KCNC1: variants seen among roughly 807,000 people sequenced by gnomAD.
KCNC1 encodes the protein voltage-gated potassium channel KCNC1.
In KCNC1, 8 loss-of-function variants were observed where a neutral mutation model predicts 43.4. The observed-to-expected ratio is 0.18, with a 90% CI of 0.11 to 0.33. The LOEUF (loss-of-function observed/expected upper bound fraction) is 0.33. KCNC1 is among the 10% of genes least tolerant of loss of function. The probability of loss-of-function intolerance (pLI) is 1.00; values close to 1 mark genes in which losing one functional copy is unlikely to be tolerated. For missense variants in KCNC1, 420 were observed against 836.0 expected (o/e 0.50, Z 6.14); for synonymous variants, 361 against 360.5 (o/e 1.00, Z -0.01).
Position 17,773,389 on chromosome 11 carries a change from G to A in KCNC1, c.1504+791G>A, listed in dbSNP as rs886180189. ...CGGTGACCCGATGGAAGCGGCTGCC[G>A]AGCAAAAGACTAGAGGGGGCCACCA... On this transcript the variant is annotated intron_variant, in intron 2 of 3. Transcript: ENST00000265969. The surrounding 1 kb of genome is among the most constrained non-coding windows in gnomAD (Gnocchi z 4.1). 66 of 985,248 alleles carry A rather than the reference G, an allele frequency of 6.7e-5. No homozygotes were observed. Among genetic ancestry groups the A allele is most frequent in the East Asian group, 3.4e-4 (3 of 8,826 alleles). 61.0% of individuals were successfully genotyped at this position (985,248 alleles called of 1,614,324 possible). A position where few individuals can be genotyped will look rare whatever the true frequency, so the allele number is the denominator to read the frequency against.
At chr11:17,775,433 G>T in intron 2 of KCNC1, 1 of 985,576 alleles carries the variant, frequency 1.0e-6, no homozygotes, top group Non-Finnish European at 1.2e-6. Context: ...TGGCCTCAGT[G>T]TCTGAGGGCT....
chr11:17,774,200 G>A (rs931685668), intron 2 of KCNC1: 7 of 985,478 alleles, frequency 7.1e-6, no homozygotes, highest in Middle Eastern at 5.2e-4. Flanking sequence ...AAACAGCTCC[G>A]AGCTCTCTGC....
In KCNC1 at chr11:17,773,865, G is replaced by C; in HGVS notation, c.1504+1267G>C. The C allele has an allele frequency of 2.0e-6, 2 of 985,532 alleles. No homozygotes were observed. Among genetic ancestry groups the C allele is most frequent in the Non-Finnish European group, 2.4e-6 (2 of 829,984 alleles). 61.0% of individuals were successfully genotyped at this position (985,532 alleles called of 1,614,324 possible). On this transcript the variant is annotated intron_variant, in intron 2 of 3. Transcript: ENST00000265969. The surrounding 1 kb of genome is among the most constrained non-coding windows in gnomAD (Gnocchi z 4.1). ...AGGTTGACGTGACAGGTGGCATTTA[G>C]TCTATGAAGGACCTCCCCATGCCCA...
At chr11:17,769,641 A>T (rs1301967794) in intron 1 of KCNC1, among the ~76,000 whole-genome samples, 1 of 152,114 alleles carries the variant, frequency 6.6e-6, no homozygotes, top group East Asian at 1.9e-4. Context: ...CAGGAGTTCA[A>T]AACCAGCCTG....
At chr11:17,740,205 C>T (rs1848822474) in intron 1 of KCNC1, among the ~76,000 whole-genome samples, 1 of 152,288 alleles carries the variant, frequency 6.6e-6, no homozygotes, top group African/African-American at 2.4e-5. Flanking sequence ...CCCCTGGCCC[C>T]CTTTCCTGTG....
At position 17,776,861 on chromosome 11, in the gene KCNC1, C is replaced by T. The variant is rs1849294099; in HGVS notation, c.1505-2595C>T. The T allele has an allele frequency of 6.1e-6, 6 of 985,494 alleles. No individual in the cohort carries two copies. Among genetic ancestry groups the T allele is most frequent in the Non-Finnish European group, 7.2e-6 (6 of 830,042 alleles). The allele number at this position is 985,494 out of a possible 1,614,324, so 61.0% of individuals were successfully genotyped here. Reference sequence around the variant, plus strand: ...CTGGAGTTGGGGAGGGAGAATGCCCCAGTTTCTGAAAGCATCTTAAACCAT... The same window carrying T: ...CTGGAGTTGGGGAGGGAGAATGCCCTAGTTTCTGAAAGCATCTTAAACCAT... On this transcript the variant is annotated intron_variant, in intron 2 of 3. Transcript: ENST00000265969. This position sits in a 1 kb window ranked among gnomAD's most constrained non-coding sequence, Gnocchi z 4.4.
In KCNC1 at chr11:17,735,781, C is replaced by A. The variant is rs1848757203; in HGVS notation, c.-222C>A. The A allele has an allele frequency of 2.2e-6, 1 of 456,878 alleles. No homozygotes were observed. Among genetic ancestry groups the A allele is most frequent in the Admixed American group, 4.4e-5 (1 of 22,810 alleles). 28.3% of individuals were successfully genotyped at this position (456,878 alleles called of 1,614,324 possible). ...CCCTCCCACATCTGGCTCCTAGAGACCCCTGGGATCCCGCGCACATTCCCC... is the reference window on the plus strand; with the variant it reads ...CCCTCCCACATCTGGCTCCTAGAGAACCCTGGGATCCCGCGCACATTCCCC... On this transcript the variant is annotated 5_prime_UTR_variant, in exon 1 of 4. Coordinates refer to ENST00000265969, the MANE Select transcript of KCNC1 (RefSeq NM_001112741.2). The surrounding 1 kb of genome is among the most constrained non-coding windows in gnomAD (Gnocchi z 6.7).
Position 17,739,390 on chromosome 11 carries a change from TG to T in KCNC1, c.570+2819del, listed in dbSNP as rs1395275197. Among the ~76,000 whole-genome samples, 1 of 85,254 alleles carries T rather than the reference TG, an allele frequency of 1.2e-5. No individual in the cohort carries two copies. Among genetic ancestry groups the T allele is most frequent in the African/African-American group, 3.3e-5 (1 of 29,996 alleles). 55.9% of individuals were successfully genotyped at this position (85,254 alleles called of 152,430 possible). On this transcript the variant is annotated intron_variant, in intron 1 of 3. Coordinates refer to ENST00000265969, the MANE Select transcript of KCNC1 (RefSeq NM_001112741.2). This position sits in a 1 kb window ranked among gnomAD's most constrained non-coding sequence, Gnocchi z 4.2. ...GTGTGTGTGTGTGTGTGTGTGTGTGTGTGTGTGTGGTGAGACTGCGACTCTG... is the reference window on the plus strand; with the variant it reads ...GTGTGTGTGTGTGTGTGTGTGTGTGTTGTGTGTGGTGAGACTGCGACTCTG...
chr11:17,736,116 G>A lies in KCNC1; in HGVS notation c.114G>A (p.Ala38=), dbSNP rs200677353. ...CCGGCACGCGGCTCGCCTGGCTGGC[G>A]GAGCCCGACGCCCACAGCCACTTCG... is the stretch of plus-strand genomic sequence containing the variant. ...TLPGTRLAWL[A]EPDAHSHFDY... The change falls in exon 1 of 4, where the codon GCG becomes GCA. Residue 38 remains alanine (A), a synonymous_variant. Transcript: ENST00000265969. The surrounding 1 kb of genome is among the most constrained non-coding windows in gnomAD (Gnocchi z 9.3). 127 of 1,610,372 alleles carry A rather than the reference G, an allele frequency of 7.9e-5. No individual in the cohort carries two copies. The highest frequency in any genetic ancestry group is 1.0e-4 in the Non-Finnish European group (118 of 1,178,822).
chr11:17,749,621 G>A (rs7124411), intron 1 of KCNC1, among the ~76,000 whole-genome samples: 29,439 of 152,222 alleles, frequency 0.19, 3,198 homozygotes, highest in African/African-American at 0.29. Flanking sequence ...GGCTCTCTGA[G>A]CAGCAGTGAG....
At chr11:17,769,440 G>A (rs1849196540) in intron 1 of KCNC1, among the ~76,000 whole-genome samples, 1 of 152,016 alleles carries the variant, frequency 6.6e-6, no homozygotes, top group South Asian at 2.1e-4. Flanking sequence ...GAAAAGAAGG[G>A]AGGGAGGATG....
chr11:17,760,875 G>A (rs1427462783), intron 1 of KCNC1, among the ~76,000 whole-genome samples: 1 of 152,222 alleles, frequency 6.6e-6, no homozygotes, highest in African/African-American at 2.4e-5. Context: ...AGGTTTAAAC[G>A]GGACAGTGCA....
chr11:17,763,922 C>T (rs1386551471), intron 1 of KCNC1, among the ~76,000 whole-genome samples: 1 of 131,572 alleles, frequency 7.6e-6, no homozygotes, highest in Non-Finnish European at 1.6e-5. Flanking sequence ...ACCACACATG[C>T]ACATATACAC....
At chr11:17,770,430 C>T (rs900807461) in intron 1 of KCNC1, among the ~76,000 whole-genome samples, 2 of 152,196 alleles carry the variant, frequency 1.3e-5, no homozygotes, top group Non-Finnish European at 2.9e-5. Context: ...TGGCAGGGGC[C>T]CATCCACCCA....
Position 17,735,922 on chromosome 11 carries a change from C to G in KCNC1, c.-81C>G. ...GGGGAGGGGGGAAGAGGGCGCGCGCCCCCCTCCCCGGCGCCAACTCCCCCT... is the reference window on the plus strand; with the variant it reads ...GGGGAGGGGGGAAGAGGGCGCGCGCGCCCCTCCCCGGCGCCAACTCCCCCT... On this transcript the variant is annotated 5_prime_UTR_variant, in exon 1 of 4. Transcript: ENST00000265969. This position sits in a 1 kb window ranked among gnomAD's most constrained non-coding sequence, Gnocchi z 6.7. The G allele has an allele frequency of 2.2e-6, 3 of 1,372,122 alleles. No individual in the cohort carries two copies. Among genetic ancestry groups the G allele is most frequent in the Non-Finnish European group, 2.8e-6 (3 of 1,068,572 alleles). The allele number at this position is 1,372,122 out of a possible 1,614,324, so 85.0% of individuals were successfully genotyped here.
At position 17,781,005 on chromosome 11, in the gene KCNC1, T is replaced by C. The variant is rs1368564483; in HGVS notation, c.1694-665T>C. ...CTGGCTTTTTCCCAGTTGGAGGTGC[T>C]AGAATGCCCAGAAGCAGAATGCCCG... On this transcript the variant is annotated intron_variant, in intron 3 of 3. Coordinates refer to ENST00000265969, the MANE Select transcript of KCNC1 (RefSeq NM_001112741.2). The surrounding 1 kb of genome is among the most constrained non-coding windows in gnomAD (Gnocchi z 5.1). 4 of 152,226 alleles carry C rather than the reference T, an allele frequency of 2.6e-5. No individual in the cohort carries two copies. Among genetic ancestry groups the C allele is most frequent in the Non-Finnish European group, 5.9e-5 (4 of 68,056 alleles). 9.4% of individuals were successfully genotyped at this position (152,226 alleles called of 1,614,324 possible).
chr11:17,773,703 C>T lies in KCNC1; in HGVS notation c.1504+1105C>T, dbSNP rs766066597. The T allele has an allele frequency of 1.2e-5, 12 of 985,228 alleles. No individual in the cohort carries two copies. The highest frequency in any genetic ancestry group is 6.1e-5 in the Admixed American group (1 of 16,264). The allele number at this position is 985,228 out of a possible 1,614,324, so 61.0% of individuals were successfully genotyped here. A position where few individuals can be genotyped will look rare whatever the true frequency, so the allele number is the denominator to read the frequency against. On this transcript the variant is annotated intron_variant, in intron 2 of 3. Coordinates refer to ENST00000265969, the MANE Select transcript of KCNC1 (RefSeq NM_001112741.2). This position sits in a 1 kb window ranked among gnomAD's most constrained non-coding sequence, Gnocchi z 4.1. ...TAAAGTTGATCATGGGGCTCTGGTC[C>T]GAAGATATAAAGCCCATAGTCTACC... is the stretch of plus-strand genomic sequence containing the variant.
Position 17,781,792 on chromosome 11 carries a change from C to A in KCNC1, c.*58C>A. The A allele has an allele frequency of 8.7e-7, 1 of 1,151,650 alleles. No individual in the cohort carries two copies. The highest frequency in any genetic ancestry group is 1.3e-6 in the Non-Finnish European group (1 of 782,384). The allele number at this position is 1,151,650 out of a possible 1,614,324, so 71.3% of individuals were successfully genotyped here. ...TTAAGCATCTGGGTGGACCTGCAGC[C>A]CCTCCTCACCCTCGGACAGAGTAAA... On this transcript the variant is annotated 3_prime_UTR_variant, in exon 4 of 4. Transcript: ENST00000265969. The surrounding 1 kb of genome is among the most constrained non-coding windows in gnomAD (Gnocchi z 5.1).
rs954270020 is a variant in KCNC1 at position 17,773,796 on chromosome 11, G to A, written c.1504+1198G>A. ...ATTTCAAAGGAACAGATGACCCAGA[G>A]AAGAATGACAGCACTGAGTAAGAAG... On this transcript the variant is annotated intron_variant, in intron 2 of 3. Transcript: ENST00000265969. This position sits in a 1 kb window ranked among gnomAD's most constrained non-coding sequence, Gnocchi z 4.1. The A allele has an allele frequency of 1.4e-4, 135 of 985,452 alleles. No homozygotes were observed. The highest frequency in any genetic ancestry group is 1.6e-4 in the Non-Finnish European group (130 of 830,004). 61.0% of individuals were successfully genotyped at this position (985,452 alleles called of 1,614,324 possible). A position where few individuals can be genotyped will look rare whatever the true frequency, so the allele number is the denominator to read the frequency against.
Sources: allele counts gnomAD v4.1 joint callset (sites outside exome capture counted in the v4.1 genomes callset), GRCh38; gene constraint gnomAD v4.1.1; non-coding constraint Gnocchi (gnomAD v3.1); transcripts MANE v1.5; gene names NCBI Gene and HGNC (gene_info 2026-07-23, HGNC 2026-07-21).